Variants in IFNGR1 observed in about 807,000 individuals in gnomAD.
The protein encoded by IFNGR1 is AVP, type 2.
Under a neutral mutation model 35.4 loss-of-function variants are expected in IFNGR1, and 23 were observed. The ratio of observed to expected loss-of-function variants is 0.65; its 90% CI spans 0.47 to 0.92. IFNGR1 has a LOEUF of 0.92. Among genes scored for constraint, IFNGR1 ranks in the 40% least tolerant of loss-of-function variants. The probability of loss-of-function intolerance (pLI) is 0.00; values close to 1 mark genes in which losing one functional copy is unlikely to be tolerated. For missense variants in IFNGR1, 533 were observed against 583.4 expected (o/e 0.91, Z 0.89); for synonymous variants, 199 against 209.5 (o/e 0.95, Z 0.43).
chr6:137,207,574 T>A (rs1403782368), intron 1 of IFNGR1, among the ~76,000 whole-genome samples: 1 of 152,164 alleles, frequency 6.6e-6, no homozygotes, highest in Non-Finnish European at 1.5e-5. Context: ...CAGTCTTTCC[T>A]GTGCTATTTT....
Position 137,203,510 on chromosome 6 carries a change from CTA to C in IFNGR1, c.720_721del (p.Asn240LysfsTer22), listed in dbSNP as rs1323324348. On this transcript the variant is annotated frameshift_variant, in exon 5 of 7. Coordinates refer to ENST00000367739, the MANE Select transcript of IFNGR1 (RefSeq NM_000416.3). LOFTEE classifies it high-confidence loss of function. ...TGGCAAGAACTTACCTTTTATACTG[CTA>C]TTGAAAATGGTAATACAAACTTCTT... 1 of 1,571,374 alleles carries C rather than the reference CTA, an allele frequency of 6.4e-7. No individual in the cohort carries two copies. Among genetic ancestry groups the C allele is most frequent in the East Asian group, 2.2e-5 (1 of 44,648 alleles).
At chr6:137,218,376 T>C (rs1050219590) in intron 1 of IFNGR1, 4 of 704,478 alleles carry the variant, frequency 5.7e-6, no homozygotes, top group Non-Finnish European at 8.8e-6. Flanking sequence ...CCCTCAACAT[T>C]TGTTTTCTAG....
chr6:137,199,548 TAACATATAAAA>T (rs1408278332), intron 6 of IFNGR1, among the ~76,000 whole-genome samples: 116 of 62,892 alleles, frequency 1.8e-3, no homozygotes, highest in Admixed American at 2.4e-3. Flanking sequence ...ATATATTATA[TAACATATAAAA>T]TATATATAAT....
At chr6:137,202,191 G>A (rs752350126) in intron 5 of IFNGR1, among the ~76,000 whole-genome samples, 10 of 152,212 alleles carry the variant, frequency 6.6e-5, no homozygotes, top group Non-Finnish European at 1.3e-4. Context: ...CATTAGTGCT[G>A]TTAGAAGTCC....
At chr6:137,205,243 G>A (rs528489382) in intron 3 of IFNGR1, among the ~76,000 whole-genome samples, 3 of 152,212 alleles carry the variant, frequency 2.0e-5, no homozygotes, top group African/African-American at 7.2e-5. Context: ...AGACCGAGGT[G>A]GCACAATCTA....
chr6:137,215,440 G>GA, intron 1 of IFNGR1: 6 of 1,050,234 alleles, frequency 5.7e-6, no homozygotes, highest in African/African-American at 1.6e-5. Context: ...GACCTAAACA[G>GA]ATACCTAGTA....
At chr6:137,200,311 G>A (rs1347674986) in intron 6 of IFNGR1, among the ~76,000 whole-genome samples, 1 of 152,068 alleles carries the variant, frequency 6.6e-6, no homozygotes, top group Non-Finnish European at 1.5e-5. Context: ...TACATCAAAG[G>A]CTTTGAAATG....
intron 1 of IFNGR1, among the ~76,000 whole-genome samples, chr6:137,211,862 A>C (rs1779581853): frequency 6.6e-6 from 1 of 152,130 alleles, no homozygotes; most frequent in Admixed American, 6.6e-5. Flanking sequence ...CACACATATA[A>C]ATATACTTTT....
At chr6:137,206,879 G>C (rs906180253) in intron 2 of IFNGR1, 84 bp downstream of exon 2, 10 of 1,042,852 alleles carry the variant, frequency 9.6e-6, no homozygotes, top group Non-Finnish European at 1.5e-5. Flanking sequence ...ACGTGGGAAG[G>C]CTGATGAAAG....
In IFNGR1 at chr6:137,203,512, A is replaced by G; in HGVS notation, c.720T>C (p.Asn240=). The G allele has an allele frequency of 6.3e-7, 1 of 1,588,922 alleles. No individual in the cohort carries two copies. The highest frequency in any genetic ancestry group is 8.6e-7 in the Non-Finnish European group (1 of 1,157,098). The change falls in exon 5 of 7, where the codon AAT becomes AAC. Residue 240 remains asparagine, a synonymous_variant. Transcript: ENST00000367739. ...GCAAGAACTTACCTTTTATACTGCT[A>G]TTGAAAATGGTAATACAAACTTCTT... ...KSKEVCITIF[N]SSIKGSLWIP...
rs2114443985 is a variant in IFNGR1, at chr6:137,198,411, C to T, written c.1090G>A (p.Asp364Asn). Residue 364 changes from aspartate to asparagine, a missense_variant, in exon 7 of 7, where the codon GAC becomes AAC. Transcript: ENST00000367739. ...GTCAGATGGCTGCCCGGGACCACGT[C>T]AGGAATATTTTCTTCAGTAGTCACC... ...EVVTTEENIP[D>N]VVPGSHLTPI... 1 of 1,614,092 alleles carries T rather than the reference C, an allele frequency of 6.2e-7. No individual in the cohort carries two copies. Among genetic ancestry groups the T allele is most frequent in the Non-Finnish European group, 8.5e-7 (1 of 1,180,028 alleles).
chr6:137,198,032 C>T lies in IFNGR1; in HGVS notation c.1469G>A (p.Ter490=). The change falls in exon 7 of 7, where the codon TGA becomes TAA. Residue 490 remains the stop codon, a stop_retained_variant. Transcript: ENST00000367739. The stretch of plus-strand genomic sequence containing the variant: ...AAAGTTGGTGCAACTTAGCTGATCT[C>T]ATGAAAATTCTTTGGAATCTTCTGT... The part of the protein sequence containing the change: ...RPTEDSKEFS[*] 6.2e-7 allele frequency: 1 copy of T among 1,613,958 alleles called. No homozygotes were observed. The highest frequency in any genetic ancestry group is 8.5e-7 in the Non-Finnish European group (1 of 1,179,968).
At chr6:137,217,729 T>C (rs775008192) in intron 1 of IFNGR1, among the ~76,000 whole-genome samples, 6 of 152,200 alleles carry the variant, frequency 3.9e-5, no homozygotes, top group Non-Finnish European at 7.3e-5. Flanking sequence ...AAATTCCTCT[T>C]TTTGCTTAAG....
At chr6:137,209,413 G>T (rs1779523350) in intron 1 of IFNGR1, among the ~76,000 whole-genome samples, 1 of 152,134 alleles carries the variant, frequency 6.6e-6, no homozygotes, top group African/African-American at 2.4e-5. Flanking sequence ...AACTTGAATT[G>T]TATCTCTTGG....
At chr6:137,219,116 A>C in intron 1 of IFNGR1, 127 bp downstream of exon 1, 3 of 1,242,782 alleles carry the variant, frequency 2.4e-6, no homozygotes, top group South Asian at 1.3e-5. Flanking sequence ...TCGCCCGCTC[A>C]GGGCCCGACG....
At chr6:137,198,884 G>T (rs1779168752) in intron 6 of IFNGR1, among the ~76,000 whole-genome samples, 1 of 152,108 alleles carries the variant, frequency 6.6e-6, no homozygotes, top group South Asian at 2.1e-4. Context: ...TACTGTGATG[G>T]TTAATACTGA....
In IFNGR1 at chr6:137,197,814, A is replaced by T. The variant is rs1887417; in HGVS notation, c.*217T>A. 15,098 of 529,282 alleles carry T rather than the reference A, an allele frequency of 0.029. 1,618 individuals are homozygous for T. Among genetic ancestry groups the T allele is most frequent in the South Asian group, 0.24 (11,263 of 47,846 alleles). 32.8% of individuals were successfully genotyped at this position (529,282 alleles called of 1,614,324 possible). A position where few individuals can be genotyped will look rare whatever the true frequency, so the allele number is the denominator to read the frequency against. ...CTGGATGTAAAGGTTCATAAGTTAC[A>T]ATGCTTTTTTTGTTTAAAAAAAAAA... On this transcript the variant is annotated 3_prime_UTR_variant, in exon 7 of 7. Transcript: ENST00000367739.
At chr6:137,203,336 C>T (rs1324273192) in intron 5 of IFNGR1, among the ~76,000 whole-genome samples, 163 bp downstream of exon 5, 1 of 152,090 alleles carries the variant, frequency 6.6e-6, no homozygotes, top group African/African-American at 2.4e-5. Flanking sequence ...GTGTGAGAAA[C>T]TGCTTTATTT....
intron 2 of IFNGR1, 199 bp from the exon 3 acceptor site, chr6:137,206,507 G>A: frequency 3.7e-6 from 2 of 546,674 alleles, no homozygotes; most frequent in Admixed American, 3.5e-5. Flanking sequence ...ACAGTAAAGA[G>A]GCTCAATTCA....
Sources: allele counts gnomAD v4.1 joint callset (sites outside exome capture counted in the v4.1 genomes callset), GRCh38; gene constraint gnomAD v4.1.1; transcripts MANE v1.5; gene names NCBI Gene and HGNC (gene_info 2026-07-23, HGNC 2026-07-21).